Variants in PER2 observed in about 807,000 individuals in gnomAD.
The protein encoded by PER2 is period circadian protein homolog 2.
A neutral mutation model predicts 121.0 loss-of-function variants in PER2; 66 were observed. That is an observed-to-expected ratio of 0.55 (90% confidence interval 0.45 to 0.67). The LOEUF is 0.67. Among genes scored for constraint, PER2 ranks in the 30% least tolerant of loss-of-function variants. The pLI, the probability that PER2 is intolerant of heterozygous loss-of-function variation, is 0.00. For synonymous variants in PER2, 684 were observed against 659.9 expected, an observed-to-expected ratio of 1.04 and a Z score of -0.56; for missense variants, 1,521 against 1,635.0, an observed-to-expected ratio of 0.93 and a Z score of 1.20.
At chr2:238,279,307 G>A (rs993132362) in intron 1 of PER2, among the ~76,000 whole-genome samples, 21 of 152,154 alleles carry the variant, frequency 1.4e-4, no homozygotes, top group African/African-American at 4.8e-4. Context: ...CAGACATGAT[G>A]CTAAGCACCC....
intron 1 of PER2, among the ~76,000 whole-genome samples, chr2:238,279,939 G>A (rs1696580756): frequency 6.6e-6 from 1 of 152,212 alleles, no homozygotes; most frequent in South Asian, 2.1e-4. Context: ...CCCCGGCCAT[G>A]GAAGGCCCAA....
chr2:238,262,455 G>A, intron 10 of PER2, 111 bp from the exon 11 acceptor site: 1 of 1,006,770 alleles, frequency 9.9e-7, no homozygotes. Context: ...AAACTGTAGG[G>A]GTATGAACAC....
chr2:238,262,631 G>A, intron 10 of PER2, among the ~76,000 whole-genome samples: 1 of 152,158 alleles, frequency 6.6e-6, no homozygotes, highest in Non-Finnish European at 1.5e-5. Flanking sequence ...CTGGCCTGGT[G>A]AGAACCTTCC....
rs538798617 is a variant in PER2, at chr2:238,263,039, A to G, written c.1066T>C (p.Tyr356His). ...VDERAVPLLG[Y>H]LPQDLIETPV... ...GTTTCAATCAGGTCCTGAGGTAGGT[A>G]GCCCAGGAGAGGGACCGCCCTGGAA... Residue 356 changes from tyrosine (Y) to histidine (H), a missense_variant, in exon 10 of 23, where the codon TAC (tyrosine) becomes CAC (histidine). Coordinates refer to ENST00000254657, the MANE Select transcript of PER2 (RefSeq NM_022817.3). The G allele has an allele frequency of 6.2e-6, 10 of 1,613,116 alleles. No homozygotes were observed. The South Asian group carries it at 7.7e-5, about 12-fold the overall frequency.
Position 238,271,231 on chromosome 2 carries a change from T to C in PER2, c.772+81A>G. Reference sequence around the variant, plus strand: ...GCTCTGAAAGGTGAGGCAGGGCGCCTGCACCACATCTGGGTTGGGCCCAGC... The same window carrying C: ...GCTCTGAAAGGTGAGGCAGGGCGCCCGCACCACATCTGGGTTGGGCCCAGC... On this transcript the variant is annotated intron_variant, in intron 6 of 22. Coordinates refer to ENST00000254657, the MANE Select transcript of PER2 (RefSeq NM_022817.3). The C allele has an allele frequency of 4.0e-6, 5 of 1,258,614 alleles. No homozygotes were observed. The South Asian group carries it at 6.0e-5, about 15-fold the overall frequency. 78.0% of individuals were successfully genotyped at this position (1,258,614 alleles called of 1,614,324 possible).
intron 8 of PER2, among the ~76,000 whole-genome samples, chr2:238,266,202 C>T (rs530852018): frequency 1.4e-4 from 21 of 152,148 alleles, no homozygotes; most frequent in African/African-American, 4.3e-4. Context: ...TGCGCCCGGC[C>T]CCATCTTTAT....
chr2:238,276,200 G>A (rs1369429625), intron 3 of PER2, among the ~76,000 whole-genome samples: 1 of 152,102 alleles, frequency 6.6e-6, no homozygotes, highest in African/African-American at 2.4e-5. Flanking sequence ...TGGTCTGGGT[G>A]GCCCTTGGTG....
At position 238,275,726 on chromosome 2, in the gene PER2, G is replaced by T; in HGVS notation, c.448+17C>A. On this transcript the variant is annotated intron_variant, in intron 4 of 22. Transcript: ENST00000254657. Reference sequence around the variant, plus strand: ...ATATTTCTATAGGTTTGGAGCAGATGTGCGAGGCCGACGTACCTTTCACCT... The same window carrying T: ...ATATTTCTATAGGTTTGGAGCAGATTTGCGAGGCCGACGTACCTTTCACCT... 6.2e-7 allele frequency: 1 copy of T among 1,611,798 alleles called. No individual in the cohort carries two copies. Among genetic ancestry groups the T allele is most frequent in the Non-Finnish European group, 8.5e-7 (1 of 1,178,396 alleles).
Position 238,245,712 on chromosome 2 carries a change from G to C in PER2, c.*663C>G. 1 of 398,552 alleles carries C rather than the reference G, an allele frequency of 2.5e-6. No individual in the cohort carries two copies. Among genetic ancestry groups the C allele is most frequent in the Non-Finnish European group, 4.4e-6 (1 of 226,058 alleles). The allele number at this position is 398,552 out of a possible 1,614,324, so 24.7% of individuals were successfully genotyped here. A position where few individuals can be genotyped will look rare whatever the true frequency, so the allele number is the denominator to read the frequency against. On this transcript the variant is annotated 3_prime_UTR_variant, in exon 23 of 23. Transcript: ENST00000254657. Reference sequence around the variant, plus strand: ...TGGAGTTGGCCACACAAACCACTAGGCTTCTTTAGTCCAGAGCAAATGTTT... The same window carrying C: ...TGGAGTTGGCCACACAAACCACTAGCCTTCTTTAGTCCAGAGCAAATGTTT...
At chr2:238,273,290 G>T in intron 4 of PER2, 99 bp from the exon 5 acceptor site, 1 of 1,257,082 alleles carries the variant, frequency 8.0e-7, no homozygotes, top group African/African-American at 1.5e-5. Context: ...TTTCTCAAAT[G>T]AAAAGGTAGG....
In PER2 at chr2:238,258,588, T is replaced by G; in HGVS notation, c.1684A>C (p.Ser562Arg). Residue 562 changes from serine to arginine, a missense_variant, in exon 15 of 23, where the codon AGC (serine) becomes CGC (arginine). Coordinates refer to ENST00000254657, the MANE Select transcript of PER2 (RefSeq NM_022817.3). ...TCCTCGGGGAAGCTGACCCCCAGGC[T>G]GTCCTTTTCCATGGCAGGGACAGCT... ...KKAVPAMEKD[S>R]LGVSFPEELA... The G allele has an allele frequency of 6.2e-7, 1 of 1,614,112 alleles. No homozygotes were observed. Among genetic ancestry groups the G allele is most frequent in the South Asian group, 1.1e-5 (1 of 91,088 alleles).
intron 22 of PER2, 124 bp from the exon 23 acceptor site, chr2:238,246,648 G>A (rs984325134): frequency 2.9e-5 from 18 of 625,448 alleles, no homozygotes; most frequent in South Asian, 4.5e-5. Flanking sequence ...AGGCCGAGGC[G>A]GGCAGATCAC....
chr2:238,288,316 C>T (rs971815908), intron 1 of PER2, 33 bp downstream of exon 1: 10 of 152,246 alleles, frequency 6.6e-5, no homozygotes, highest in African/African-American at 2.2e-4. Flanking sequence ...CGCAGTCACT[C>T]GGTAGCTCGG....
chr2:238,298,078 G>T, the PER2 span, among the ~76,000 whole-genome samples: 1 of 147,616 alleles, frequency 6.8e-6, no homozygotes, highest in Non-Finnish European at 1.5e-5. Flanking sequence ...TGTCCCCCAG[G>T]CTCTAGAGTG....
At position 238,287,128 on chromosome 2, in the gene PER2, C is replaced by T. The variant is rs527524015; in HGVS notation, c.-20+1221G>A. The stretch of plus-strand genomic sequence containing the variant: ...GCTGGCTGACACAGGGCTCCCCCTT[C>T]CCACCTGGCACTCCAGTCTCCACAG... On this transcript the variant is annotated intron_variant, in intron 1 of 22. Transcript: ENST00000254657. Among the ~76,000 whole-genome samples the T allele has an allele frequency of 1.3e-4, 20 of 152,332 alleles. No individual in the cohort carries two copies. In the South Asian group the frequency reaches 4.1e-3, roughly 32 times the overall value.
chr2:238,269,105 A>G, intron 6 of PER2, 131 bp from the exon 7 acceptor site: 1 of 733,614 alleles, frequency 1.4e-6, no homozygotes, highest in Non-Finnish European at 2.4e-6. Context: ...TTATGGAAGC[A>G]CAAAGTAAAT....
chr2:238,275,459 T>A (rs1696422677), intron 4 of PER2, among the ~76,000 whole-genome samples: 1 of 152,014 alleles, frequency 6.6e-6, no homozygotes, highest in Non-Finnish European at 1.5e-5. Context: ...GAGGCTGAAG[T>A]GGGAGGACTG....
chr2:238,298,945 C>T, the PER2 span: 1 of 152,238 alleles, frequency 6.6e-6, no homozygotes, highest in African/African-American at 2.4e-5. Context: ...AGGAGATTTA[C>T]ATCTCCTACA....
At chr2:238,246,969 G>A (rs1695467500) in intron 22 of PER2, among the ~76,000 whole-genome samples, 1 of 152,212 alleles carries the variant, frequency 6.6e-6, no homozygotes. Context: ...CCCTGTCCCA[G>A]GAGCTGGCAC....
Sources: gnomAD v4.1 joint callset for allele counts (sites outside exome capture counted in the v4.1 genomes callset) on GRCh38, gnomAD v4.1.1 for gene constraint, MANE v1.5 for transcripts, NCBI Gene and HGNC (gene_info 2026-07-23, HGNC 2026-07-21) for gene names.